Variants in VPS54 observed in about 807,000 individuals in gnomAD.
VPS54 encodes VPS54 subunit of GARP complex.
Under a neutral mutation model 121.5 loss-of-function variants are expected in VPS54, and 45 were observed. The observed-to-expected ratio is 0.37, with a 90% CI of 0.29 to 0.47. The LOEUF (loss-of-function observed/expected upper bound fraction) is 0.47, where lower values mean the gene tolerates loss of function less well. Ranked by LOEUF, VPS54 falls within the 20% of genes least tolerant of loss-of-function variation. The pLI, the probability that VPS54 is intolerant of heterozygous loss-of-function variation, is 0.99. For missense variants in VPS54, 1,090 were observed against 1,131.4 expected (o/e 0.96, Z 0.52); for synonymous variants, 371 against 385.8 (o/e 0.96, Z 0.45).
chr2:63,986,947 C>T (rs1207266003), intron 1 of VPS54, among the ~76,000 whole-genome samples: 1 of 152,158 alleles, frequency 6.6e-6, no homozygotes, highest in Non-Finnish European at 1.5e-5. Context: ...GTTGTTTGAG[C>T]TCCCTATATA....
At chr2:63,989,625 G>A (rs1307408713) in intron 1 of VPS54, among the ~76,000 whole-genome samples, 2 of 152,192 alleles carry the variant, frequency 1.3e-5, no homozygotes. Context: ...GCGGAGAAAT[G>A]TCATCGGTTC....
chr2:63,934,823 A>T (rs889538135), intron 11 of VPS54, among the ~76,000 whole-genome samples: 2 of 152,206 alleles, frequency 1.3e-5, no homozygotes, highest in Non-Finnish European at 2.9e-5. Flanking sequence ...TGCTCAGTAA[A>T]TATTGAAAGC....
chr2:63,964,997 T>C (rs1313012262), intron 6 of VPS54, among the ~76,000 whole-genome samples: 1 of 152,200 alleles, frequency 6.6e-6, no homozygotes, highest in East Asian at 1.9e-4. Context: ...ACTATGACAT[T>C]GTAAAACGTA....
At chr2:64,017,046 A>T (rs560664145) in intron 1 of VPS54, among the ~76,000 whole-genome samples, 4 of 138,338 alleles carry the variant, frequency 2.9e-5, no homozygotes, top group Non-Finnish European at 6.2e-5. Flanking sequence ...AAAAAAAAAG[A>T]GTGTGATGGG....
chr2:64,014,733 C>T (rs1678599950), intron 1 of VPS54, among the ~76,000 whole-genome samples: 1 of 112,640 alleles, frequency 8.9e-6, no homozygotes, highest in South Asian at 2.5e-4. Flanking sequence ...CATCTTAATA[C>T]ATATTACCTC....
intron 3 of VPS54, among the ~76,000 whole-genome samples, chr2:63,972,492 T>C (rs772525569): frequency 6.6e-6 from 1 of 152,204 alleles, no homozygotes; most frequent in African/African-American, 2.4e-5. Context: ...AATCTCCATA[T>C]GTAGAATAAA....
At chr2:63,930,078 A>G (rs116226150) in intron 12 of VPS54, among the ~76,000 whole-genome samples, 4,978 of 151,222 alleles carry the variant, frequency 0.033, 190 homozygotes, top group African/African-American at 0.098. Context: ...GAATTCTACC[A>G]GAGGTACGAG....
Position 63,947,366 on chromosome 2 carries a change from T to C in VPS54, c.1245+17A>G, listed in dbSNP as rs767307330. Reference sequence around the variant, plus strand: ...AGGTTCCAGACCAAAATATGTCAAATAAAAATGCATAATTACCTGTTTAAT... The same window carrying C: ...AGGTTCCAGACCAAAATATGTCAAACAAAAATGCATAATTACCTGTTTAAT... On this transcript the variant is annotated intron_variant, in intron 9 of 22. Coordinates refer to ENST00000272322, the MANE Select transcript of VPS54 (RefSeq NM_016516.3). 12 of 1,524,836 alleles carry C rather than the reference T, an allele frequency of 7.9e-6. No individual in the cohort carries two copies. In the Admixed American group the frequency reaches 2.2e-4, roughly 29 times the overall value. The allele number at this position is 1,524,836 out of a possible 1,614,324, so 94.5% of individuals were successfully genotyped here.
chr2:63,941,415 T>C (rs1490927330), intron 11 of VPS54, among the ~76,000 whole-genome samples: 3 of 152,042 alleles, frequency 2.0e-5, no homozygotes, highest in Admixed American at 6.6e-5. Context: ...TTTGTAGAGA[T>C]GAGGTCTCAT....
At chr2:63,938,703 G>A (rs1190908617) in intron 11 of VPS54, among the ~76,000 whole-genome samples, 1 of 152,200 alleles carries the variant, frequency 6.6e-6, no homozygotes, top group African/African-American at 2.4e-5. Flanking sequence ...GACCTCAGGT[G>A]ATCCACCCAC....
chr2:64,010,700 C>A (rs563325217), intron 1 of VPS54, among the ~76,000 whole-genome samples: 68 of 151,900 alleles, frequency 4.5e-4, no homozygotes, highest in African/African-American at 1.5e-3. Context: ...CTAGTTTAAT[C>A]ATAATTTTTA....
At position 63,913,328 on chromosome 2, in the gene VPS54, A is replaced by C. The variant is rs1673234943; in HGVS notation, c.2335-18T>G. 1 of 1,583,122 alleles carries C rather than the reference A, an allele frequency of 6.3e-7. No individual in the cohort carries two copies. Among genetic ancestry groups the C allele is most frequent in the Non-Finnish European group, 8.6e-7 (1 of 1,161,534 alleles). On this transcript the variant is annotated intron_variant, in intron 17 of 22. Transcript: ENST00000272322. The stretch of plus-strand genomic sequence containing the variant: ...TTGAAGTACTAACAAAAGAAGGAGA[A>C]AAAAACCCCAAAATTTACTAAAAAC...
At chr2:63,917,027 T>A in intron 15 of VPS54, 64 bp from the exon 16 acceptor site, 3 of 1,556,190 alleles carry the variant, frequency 1.9e-6, no homozygotes, top group Non-Finnish European at 1.8e-6. Context: ...GAGAAAAAGC[T>A]GAAGAAGATA....
At chr2:63,967,472 T>G (rs1676052292) in intron 5 of VPS54, among the ~76,000 whole-genome samples, 1 of 151,952 alleles carries the variant, frequency 6.6e-6, no homozygotes, top group Admixed American at 6.6e-5. Flanking sequence ...CCCAGCACTT[T>G]CGGAGGCCAG....
intron 22 of VPS54, among the ~76,000 whole-genome samples, chr2:63,893,846 C>T (rs775749685): frequency 6.6e-6 from 1 of 152,128 alleles, no homozygotes; most frequent in Non-Finnish European, 1.5e-5. Context: ...AAATAACAGG[C>T]TAAACTAAAA....
intron 7 of VPS54, among the ~76,000 whole-genome samples, chr2:63,957,906 T>C (rs1330244504): frequency 1.1e-4 from 16 of 152,182 alleles, no homozygotes. Context: ...TCTGACTTAA[T>C]TGGCTTGGGT....
At chr2:64,005,500 G>A (rs1007428455) in intron 1 of VPS54, among the ~76,000 whole-genome samples, 2 of 152,174 alleles carry the variant, frequency 1.3e-5, no homozygotes, top group Admixed American at 6.5e-5. Context: ...AATGTGATAT[G>A]AGAATACCTG....
At chr2:63,894,341 C>T (rs1439893142) in intron 22 of VPS54, among the ~76,000 whole-genome samples, 1 of 152,124 alleles carries the variant, frequency 6.6e-6, no homozygotes, top group Non-Finnish European at 1.5e-5. Context: ...TTCAGTATGG[C>T]ATGGTTATAA....
chr2:63,957,461 AT>A (rs1445248903), intron 7 of VPS54, among the ~76,000 whole-genome samples: 3 of 146,626 alleles, frequency 2.0e-5, no homozygotes, highest in African/African-American at 2.5e-5. Flanking sequence ...AAAAAAAAAA[AT>A]TTATGTCCTA....
Sources: gnomAD v4.1 joint callset for allele counts (sites outside exome capture counted in the v4.1 genomes callset) on GRCh38, gnomAD v4.1.1 for gene constraint, MANE v1.5 for transcripts, NCBI Gene and HGNC (gene_info 2026-07-23, HGNC 2026-07-21) for gene names.